Variants in DLGAP2 observed in about 807,000 individuals in gnomAD.
DLGAP2 encodes disks large-associated protein 2.
Under a neutral mutation model 100.3 loss-of-function variants are expected in DLGAP2, and 26 were observed. The observed-to-expected ratio is 0.26, with a 90% CI of 0.19 to 0.36. The LOEUF (loss-of-function observed/expected upper bound fraction) is 0.36. DLGAP2 is among the 10% of genes least tolerant of loss of function. DLGAP2 has a pLI of 1.00. For synonymous variants in DLGAP2, 886 were observed against 630.1 expected (o/e 1.41, Z -6.08); for missense variants, 1,858 against 1,453.2 (o/e 1.28, Z -4.53).
chr8:825,402 G>T (rs955246972), intron 1 of DLGAP2, among the ~76,000 whole-genome samples: 4 of 152,214 alleles, frequency 2.6e-5, no homozygotes, highest in African/African-American at 4.8e-5. Context: ...TGTGGAGGCT[G>T]TTCCACAGAA....
chr8:957,969 C>T (rs1799633586), intron 2 of DLGAP2, among the ~76,000 whole-genome samples: 1 of 152,004 alleles, frequency 6.6e-6, no homozygotes, highest in Non-Finnish European at 1.5e-5. Flanking sequence ...GCTGTGTGAC[C>T]CTCACCACTG....
In DLGAP2 at chr8:1,514,290, A is replaced by G. The variant is rs556067262; in HGVS notation, c.172+12859A>G. Among the ~76,000 whole-genome samples, 10 of 152,344 alleles carry G rather than the reference A, an allele frequency of 6.6e-5. 1 individual carries two copies. The highest frequency in any genetic ancestry group is 2.4e-4 in the African/African-American group (10 of 41,572). On this transcript the variant is annotated intron_variant, in intron 4 of 14. Coordinates refer to ENST00000637795, the MANE Select transcript of DLGAP2 (RefSeq NM_001346810.2). ...TTTTTTCTTATGCGACTATTCCCAG[A>G]AGGCTTCCCGCATCCTGCGAAGCGA...
At chr8:1,028,526 C>A (rs1563153126) in intron 2 of DLGAP2, among the ~76,000 whole-genome samples, 1 of 152,058 alleles carries the variant, frequency 6.6e-6, no homozygotes, top group Non-Finnish European at 1.5e-5. Flanking sequence ...CGGTGCCAGG[C>A]ACCCGTTATT....
At chr8:1,374,389 T>C (rs552901894) in intron 3 of DLGAP2, among the ~76,000 whole-genome samples, 18 of 152,154 alleles carry the variant, frequency 1.2e-4, no homozygotes, top group African/African-American at 4.1e-4. Flanking sequence ...GGCAGCTCCC[T>C]GATTACAAGA....
At chr8:1,687,991 C>T (rs931397564) in intron 12 of DLGAP2, among the ~76,000 whole-genome samples, 5 of 152,142 alleles carry the variant, frequency 3.3e-5, no homozygotes, top group African/African-American at 1.2e-4. Flanking sequence ...TCGTCATCAG[C>T]GAGTCCAGGG....
chr8:1,700,985 C>T (rs924537145), intron 14 of DLGAP2, among the ~76,000 whole-genome samples: 1 of 152,200 alleles, frequency 6.6e-6, no homozygotes, highest in Admixed American at 6.5e-5. Flanking sequence ...TGCGAGGGAG[C>T]TTCCACAAAT....
At chr8:1,071,270 T>C (rs1803422818) in intron 2 of DLGAP2, among the ~76,000 whole-genome samples, 1 of 152,192 alleles carries the variant, frequency 6.6e-6, no homozygotes, top group Admixed American at 6.5e-5. Context: ...CTTGTCACCT[T>C]TTTCTTGTGG....
At chr8:1,613,734 G>A (rs976690490) in intron 6 of DLGAP2, among the ~76,000 whole-genome samples, 2 of 151,880 alleles carry the variant, frequency 1.3e-5, no homozygotes, top group East Asian at 1.9e-4. Context: ...GCCCTTTTTC[G>A]AGAACCTGTT....
chr8:1,375,079 C>G (rs1348930803), intron 3 of DLGAP2, among the ~76,000 whole-genome samples: 1 of 150,006 alleles, frequency 6.7e-6, no homozygotes, highest in East Asian at 2.0e-4. Context: ...AACATCACCT[C>G]TCCACGACCT....
chr8:759,107 G>A lies in DLGAP2; in HGVS notation c.18+21282G>A, dbSNP rs112406669. On this transcript the variant is annotated intron_variant, in intron 1 of 14. Transcript: ENST00000637795. ...CAGCCTTCCTGTTATCAATACCCCC[G>A]ACAGCCTTCCCATTATCAATACCCC... 5.9e-3 allele frequency among the ~76,000 whole-genome samples: 157 copies of A among 26,718 alleles called. 1 individual carries two copies. The highest frequency in any genetic ancestry group is 0.083 in the Middle Eastern group (1 of 12). The allele number at this position is 26,718 out of a possible 152,430, so 17.5% of individuals were successfully genotyped here.
intron 3 of DLGAP2, among the ~76,000 whole-genome samples, chr8:1,419,603 T>A (rs1208576755): frequency 6.6e-6 from 1 of 152,194 alleles, no homozygotes; most frequent in African/African-American, 2.4e-5. Context: ...GAACACATGC[T>A]CCAGTATCCA....
At chr8:823,297 G>A (rs1475926691) in intron 1 of DLGAP2, among the ~76,000 whole-genome samples, 1 of 137,462 alleles carries the variant, frequency 7.3e-6, no homozygotes, top group Non-Finnish European at 1.6e-5. Context: ...GAGTTGTAAG[G>A]CGAGCTTGAA....
chr8:861,889 G>A (rs576113228), intron 1 of DLGAP2, among the ~76,000 whole-genome samples: 2 of 152,146 alleles, frequency 1.3e-5, no homozygotes. Context: ...TTATCCATTA[G>A]GTAATATTGT....
intron 3 of DLGAP2, among the ~76,000 whole-genome samples, chr8:1,343,237 G>A (rs769506825): frequency 3.3e-5 from 5 of 152,196 alleles, no homozygotes; most frequent in Admixed American, 2.0e-4. Context: ...AGTCCGCCAC[G>A]GTGAGAGGTG....
At chr8:790,748 T>G (rs147019920) in intron 1 of DLGAP2, among the ~76,000 whole-genome samples, 1,925 of 152,298 alleles carry the variant, frequency 0.013, 38 homozygotes, top group African/African-American at 0.043. Context: ...AAGATTTTTT[T>G]TGTGTGTGTG....
At position 1,007,636 on chromosome 8, in the gene DLGAP2, G is replaced by GT. The variant is rs576394922; in HGVS notation, c.73+99670_73+99671insT. ...TTCTCTATGGGTAGTTTTTTTTTTT[G>GT]GGGGGGGGATCTTCTGTGAGTCAAC... is the stretch of plus-strand genomic sequence containing the variant. On this transcript the variant is annotated intron_variant, in intron 2 of 14. Coordinates refer to ENST00000637795, the MANE Select transcript of DLGAP2 (RefSeq NM_001346810.2). 1.7e-3 allele frequency among the ~76,000 whole-genome samples: 230 copies of GT among 137,444 alleles called. 6 individuals are homozygous for GT. Among genetic ancestry groups the GT allele is most frequent in the African/African-American group, 6.0e-3 (216 of 35,880 alleles). 90.2% of individuals were successfully genotyped at this position (137,444 alleles called of 152,430 possible). A position where few individuals can be genotyped will look rare whatever the true frequency, so the allele number is the denominator to read the frequency against.
chr8:850,225 T>C (rs1797160549), intron 1 of DLGAP2, among the ~76,000 whole-genome samples: 1 of 152,186 alleles, frequency 6.6e-6, no homozygotes. Flanking sequence ...CAAAACAGTG[T>C]TTTGAATAAT....
intron 3 of DLGAP2, among the ~76,000 whole-genome samples, chr8:1,409,106 C>T (rs1796656302): frequency 6.6e-6 from 1 of 151,596 alleles, no homozygotes; most frequent in Non-Finnish European, 1.5e-5. Flanking sequence ...GACCACTGCC[C>T]AGTTCCTTGC....
chr8:1,325,562 C>G (rs1801002635), intron 3 of DLGAP2, among the ~76,000 whole-genome samples: 1 of 152,196 alleles, frequency 6.6e-6, no homozygotes, highest in African/African-American at 2.4e-5. Flanking sequence ...ATCTAGTTAA[C>G]GTTTGCTTTT....
Sources: gnomAD v4.1 joint callset for allele counts (sites outside exome capture counted in the v4.1 genomes callset) on GRCh38, gnomAD v4.1.1 for gene constraint, MANE v1.5 for transcripts, NCBI Gene and HGNC (gene_info 2026-07-23, HGNC 2026-07-21) for gene names.